The following TCF25 variants were observed in gnomAD, a reference collection of about 807,000 sequenced individuals.
TCF25 encodes TCF25 ribosome quality control complex subunit, also known as ribosome quality control complex subunit TCF25.
In TCF25, 41 loss-of-function variants were observed where a neutral mutation model predicts 83.1. The observed-to-expected ratio is 0.49, with a 90% CI of 0.38 to 0.64. The LOEUF (loss-of-function observed/expected upper bound fraction) is 0.64, where lower values mean the gene tolerates loss of function less well. TCF25 is among the 30% of genes least tolerant of loss of function. TCF25 has a pLI of 0.00. For missense variants in TCF25, 979 were observed against 914.5 expected, an observed-to-expected ratio of 1.07 and a Z score of -0.91; for synonymous variants, 458 against 365.0, an observed-to-expected ratio of 1.25 and a Z score of -2.90.
chr16:89,909,856 GAAC>G (rs2045399865), intron 16 of TCF25: 1 of 152,492 alleles, frequency 6.6e-6, no homozygotes. Context: ...CACATTGAGA[GAAC>G]AAAAGCCCCA....
At chr16:89,901,027 T>G in intron 12 of TCF25, 1 of 448,362 alleles carries the variant, frequency 2.2e-6, no homozygotes, top group Non-Finnish European at 4.1e-6. Flanking sequence ...CCGACCCCCG[T>G]GGGGCCTGTG....
At position 89,911,331 on chromosome 16, in the gene TCF25, G is replaced by T; in HGVS notation, c.*93G>T. 6.6e-7 allele frequency: 1 copy of T among 1,512,674 alleles called. No individual in the cohort carries two copies. Among genetic ancestry groups the T allele is most frequent in the East Asian group, 2.3e-5 (1 of 43,854 alleles). 93.7% of individuals were successfully genotyped at this position (1,512,674 alleles called of 1,614,324 possible). On this transcript the variant is annotated 3_prime_UTR_variant, in exon 18 of 18. Coordinates refer to ENST00000263346, the MANE Select transcript of TCF25 (RefSeq NM_014972.3). The stretch of plus-strand genomic sequence containing the variant: ...CAGTTGCCTGAAGTAGGGAAGCTGA[G>T]TGTGTCGCTCCCTGGTCCACTGTTT...
chr16:89,886,112 T>G (rs1314153327), intron 4 of TCF25, 146 bp downstream of exon 4: 1 of 642,150 alleles, frequency 1.6e-6, no homozygotes, highest in Admixed American at 2.1e-5. Context: ...AAATAAAATG[T>G]ACTGTCTTTA....
intron 17 of TCF25, 43 bp downstream of exon 17, chr16:89,910,706 G>A (rs770004217): frequency 8.8e-6 from 14 of 1,595,746 alleles, no homozygotes; most frequent in South Asian, 4.4e-5. Context: ...CAGTGGGTGC[G>A]GGCATATCCA....
intron 4 of TCF25, among the ~76,000 whole-genome samples, chr16:89,887,080 C>T (rs567366509): frequency 1.3e-5 from 2 of 152,048 alleles, no homozygotes; most frequent in Non-Finnish European, 2.9e-5. Flanking sequence ...ATCACCCAGG[C>T]TGGAGTTCAG....
At position 89,901,364 on chromosome 16, in the gene TCF25, A is replaced by C. The variant is rs1181111222; in HGVS notation, c.1381+570A>C. Among the ~76,000 whole-genome samples the C allele has an allele frequency of 4.6e-5, 7 of 152,218 alleles. No homozygotes were observed. The East Asian group carries it at 9.7e-4, about 21-fold the overall frequency. The stretch of plus-strand genomic sequence containing the variant: ...CCCTCTTTAAGATGGGCCTCCTCCG[A>C]GGAGCTGTGAGGGGTGAGGGTGAAA... On this transcript the variant is annotated intron_variant, in intron 12 of 17. Coordinates refer to ENST00000263346, the MANE Select transcript of TCF25 (RefSeq NM_014972.3).
At chr16:89,903,913 G>T (rs1427019070) in intron 12 of TCF25, among the ~76,000 whole-genome samples, 2 of 152,128 alleles carry the variant, frequency 1.3e-5, no homozygotes, top group Admixed American at 1.3e-4. Context: ...TGGTGTGAAG[G>T]AGACCCCCAG....
chr16:89,905,060 A>T lies in TCF25; in HGVS notation c.1592A>T (p.Asp531Val). 1 of 1,602,778 alleles carries T rather than the reference A, an allele frequency of 6.2e-7. No individual in the cohort carries two copies. The highest frequency in any genetic ancestry group is 8.5e-7 in the Non-Finnish European group (1 of 1,175,532). The change falls in exon 14 of 18, where the codon GAC (aspartate) becomes GTC (valine). Residue 531 changes from aspartate (D) to valine (V), a missense_variant. Coordinates refer to ENST00000263346, the MANE Select transcript of TCF25 (RefSeq NM_014972.3). ...ENVHEVLQAVDAGDPAVEACE... is the reference protein window; with the variant it reads ...ENVHEVLQAVVAGDPAVEACE... ...GTCCACGAGGTTCTGCAAGCAGTGG[A>T]CGCCGGGGACCCAGCCGTGGAAGCC...
At chr16:89,892,691 C>T (rs890464245) in intron 6 of TCF25, among the ~76,000 whole-genome samples, 4 of 152,212 alleles carry the variant, frequency 2.6e-5, no homozygotes, top group Non-Finnish European at 5.9e-5. Context: ...TTATTGCAAA[C>T]TAATAAGTGA....
At chr16:89,890,848 T>C (rs1006848243) in intron 5 of TCF25, among the ~76,000 whole-genome samples, 2 of 152,300 alleles carry the variant, frequency 1.3e-5, no homozygotes, top group East Asian at 3.9e-4. Context: ...TATAGTATTA[T>C]TAAACTTTTT....
At chr16:89,907,205 G>T in intron 15 of TCF25, 38 bp from the exon 16 acceptor site, 1 of 1,604,576 alleles carries the variant, frequency 6.2e-7, no homozygotes, top group Non-Finnish European at 8.5e-7. Flanking sequence ...CCCCCTGGCA[G>T]CATCTGTAGC....
rs561473360 is a variant in TCF25 at position 89,883,376 on chromosome 16, A to T, written c.218A>T (p.Asp73Val). ...ELINIDDLED[D>V]PVVNGERSGC... ...ATAAACATTGACGATCTTGAGGATGACCCTGTGGTGAACGGGGAGAGGTCT... is the reference window on the plus strand; with the variant it reads ...ATAAACATTGACGATCTTGAGGATGTCCCTGTGGTGAACGGGGAGAGGTCT... The change falls in exon 2 of 18, where the codon GAC becomes GTC. Residue 73 changes from aspartate (D) to valine (V), a missense_variant. Transcript: ENST00000263346. 6.2e-7 allele frequency: 1 copy of T among 1,613,946 alleles called. No individual in the cohort carries two copies. The highest frequency in any genetic ancestry group is 1.1e-5 in the South Asian group (1 of 91,056).
intron 7 of TCF25, 73 bp downstream of exon 7, chr16:89,893,931 C>T (rs1184262406): frequency 1.0e-5 from 16 of 1,538,402 alleles, no homozygotes; most frequent in Non-Finnish European, 1.3e-5. Context: ...GCCTGCTTCC[C>T]TGGTGGCTGG....
chr16:89,901,300 G>A (rs1040748268), intron 12 of TCF25, among the ~76,000 whole-genome samples: 1 of 152,252 alleles, frequency 6.6e-6, no homozygotes, highest in African/African-American at 2.4e-5. Context: ...CACCTGGTCA[G>A]ACCTCGGGGC....
chr16:89,895,165 C>T (rs776436803), intron 8 of TCF25, 28 bp downstream of exon 8: 2 of 1,597,238 alleles, frequency 1.3e-6, no homozygotes, highest in African/African-American at 1.3e-5. Context: ...CCCCATTCCC[C>T]TCAGCTGTGG....
At chr16:89,888,762 C>T (rs1457584015) in intron 5 of TCF25, among the ~76,000 whole-genome samples, 4 of 150,504 alleles carry the variant, frequency 2.7e-5, no homozygotes, top group African/African-American at 7.3e-5. Context: ...CTGCAACCTC[C>T]GCCTCCTGGG....
Position 89,887,043 on chromosome 16 carries a change from C to CT in TCF25, c.549-601dup, listed in dbSNP as rs1233885733. ...GTATATTAGAGAGTTCCTTCTTTTTCTTTTTTTTAAGAGACAGGATCTCTC... is the reference window on the plus strand; with the variant it reads ...GTATATTAGAGAGTTCCTTCTTTTTCTTTTTTTTTAAGAGACAGGATCTCTC... On this transcript the variant is annotated intron_variant, in intron 4 of 17. Coordinates refer to ENST00000263346, the MANE Select transcript of TCF25 (RefSeq NM_014972.3). 2.0e-5 allele frequency among the ~76,000 whole-genome samples: 3 copies of CT among 151,738 alleles called. No homozygotes were observed. In the East Asian group the frequency reaches 5.8e-4, roughly 29 times the overall value.
At chr16:89,908,367 GCTCCCAGCTCCCA>G (rs2045165114) in intron 16 of TCF25, among the ~76,000 whole-genome samples, 1 of 79,464 alleles carries the variant, frequency 1.3e-5, no homozygotes, top group Non-Finnish European at 2.5e-5. Context: ...CCATCTTCCA[GCTCCCAGCTCCCA>G]CCTCCCTCCT....
At chr16:89,893,879 C>A in intron 7 of TCF25, 21 bp downstream of exon 7, 1 of 1,587,430 alleles carries the variant, frequency 6.3e-7, no homozygotes, top group East Asian at 2.3e-5. Flanking sequence ...CCTGCAGCCC[C>A]TGACAGGAGC....
Sources: gnomAD v4.1 joint callset for allele counts (sites outside exome capture counted in the v4.1 genomes callset) on GRCh38, gnomAD v4.1.1 for gene constraint, MANE v1.5 for transcripts, NCBI Gene and HGNC (gene_info 2026-07-23, HGNC 2026-07-21) for gene names.